Variants in P2RX7 observed in about 807,000 individuals in gnomAD.
P2RX7 encodes the protein purinergic receptor P2X 7.
In P2RX7, 62 loss-of-function variants were observed where a neutral mutation model predicts 71.6. That is an observed-to-expected ratio of 0.87 (90% CI 0.71 to 1.07). The LOEUF is 1.07. Ranked by LOEUF, P2RX7 falls within the 50% of genes least tolerant of loss-of-function variation. P2RX7 has a pLI of 0.00. For synonymous variants in P2RX7, 299 were observed against 283.3 expected (o/e 1.06, Z -0.56); for missense variants, 686 against 748.5 (o/e 0.92, Z 0.97).
chr12:121,174,048 CTT>C (rs141344773), intron 8 of P2RX7, among the ~76,000 whole-genome samples: 1,009 of 73,880 alleles, frequency 0.014, 10 homozygotes, highest in African/African-American at 0.035. Context: ...CTTTTCTTTT[CTT>C]TTTTTTTTTT....
chr12:121,173,196 GT>G (rs1265993295), intron 8 of P2RX7, among the ~76,000 whole-genome samples: 3 of 152,030 alleles, frequency 2.0e-5, no homozygotes, highest in Non-Finnish European at 2.9e-5. Flanking sequence ...TTGTTTGTTT[GT>G]TTGTTTGAGA....
intron 1 of P2RX7, among the ~76,000 whole-genome samples, chr12:121,142,994 T>G (rs985705624): frequency 3.3e-5 from 5 of 150,420 alleles, no homozygotes; most frequent in Non-Finnish European, 5.9e-5. Flanking sequence ...GGCAAAAGAA[T>G]CTCTAGAACC....
Position 121,184,456 on chromosome 12 carries a change from G to T in P2RX7, c.1442G>T (p.Ser481Ile). Residue 481 changes from serine (S) to isoleucine (I), a missense_variant, in exon 13 of 13, where the codon AGC becomes ATC. Transcript: ENST00000328963. ...AGCCCCGTCTGGTGCCAGTGTGGAAGCTGCCTCCCATCTCAACTCCCTGAG... is the reference window on the plus strand; with the variant it reads ...AGCCCCGTCTGGTGCCAGTGTGGAATCTGCCTCCCATCTCAACTCCCTGAG... Reference protein sequence around the residue: ...RDSPVWCQCGSCLPSQLPESH... With the variant: ...RDSPVWCQCGICLPSQLPESH... 6.2e-7 allele frequency: 1 copy of T among 1,614,188 alleles called. No individual in the cohort carries two copies. Among genetic ancestry groups the T allele is most frequent in the African/African-American group, 1.3e-5 (1 of 75,064 alleles).
intron 11 of P2RX7, among the ~76,000 whole-genome samples, chr12:121,179,668 A>G (rs1320495650): frequency 6.6e-6 from 1 of 152,200 alleles, no homozygotes; most frequent in Non-Finnish European, 1.5e-5. Flanking sequence ...TTCATGGCCC[A>G]AGATGAGATG....
At chr12:121,162,257 T>C in intron 4 of P2RX7, 167 bp from the exon 5 acceptor site, 1 of 1,416,070 alleles carries the variant, frequency 7.1e-7, no homozygotes, top group Non-Finnish European at 9.2e-7. Context: ...TTGCCTTGTG[T>C]TCGTTGTGGT....
intron 8 of P2RX7, among the ~76,000 whole-genome samples, chr12:121,168,280 C>CTGTTCT (rs1555227622): frequency 4.9e-5 from 7 of 143,400 alleles, no homozygotes; most frequent in African/African-American, 1.8e-4. Flanking sequence ...CTTTTCTTTT[C>CTGTTCT]TTTTTTTTTT....
intron 5 of P2RX7, among the ~76,000 whole-genome samples, chr12:121,164,687 C>T (rs1012446435): frequency 3.3e-5 from 5 of 152,182 alleles, no homozygotes; most frequent in African/African-American, 1.2e-4. Context: ...GAGGCTGAGG[C>T]AGGAGAGTCG....
At chr12:121,174,962 G>A (rs1882827962) in intron 8 of P2RX7, among the ~76,000 whole-genome samples, 1 of 151,974 alleles carries the variant, frequency 6.6e-6, no homozygotes, top group Admixed American at 6.6e-5. Flanking sequence ...AGAGCCAGGG[G>A]ACAGACCAGG....
chr12:121,154,936 T>A lies in P2RX7; in HGVS notation c.277T>A (p.Tyr93Asn). ...GCACAGTGTCTTTGACACCGCAGAC[T>A]ACACCTTCCCTTTGCAGGTGAGCAC... ...LVHSVFDTADYTFPLQGNSFF... is the reference protein window; with the variant it reads ...LVHSVFDTADNTFPLQGNSFF... Residue 93 changes from tyrosine (Y) to asparagine (N), a missense_variant, in exon 2 of 13, where the codon TAC becomes AAC. Coordinates refer to ENST00000328963, the MANE Select transcript of P2RX7 (RefSeq NM_002562.6). The surrounding 1 kb of genome is among the most constrained non-coding windows in gnomAD (Gnocchi z 4.2). 1 of 1,614,174 alleles carries A rather than the reference T, an allele frequency of 6.2e-7. No homozygotes were observed. Among genetic ancestry groups the A allele is most frequent in the Non-Finnish European group, 8.5e-7 (1 of 1,179,998 alleles).
At chr12:121,174,443 C>A (rs1593129861) in intron 8 of P2RX7, among the ~76,000 whole-genome samples, 1 of 152,104 alleles carries the variant, frequency 6.6e-6, no homozygotes, top group Non-Finnish European at 1.5e-5. Context: ...ATCACTTGGG[C>A]CCAGGAGGTG....
At chr12:121,175,568 G>C (rs1882975348) in intron 9 of P2RX7, 90 bp downstream of exon 9, 2 of 731,256 alleles carry the variant, frequency 2.7e-6, no homozygotes, top group Non-Finnish European at 2.6e-6. Context: ...AAGGGTTTTG[G>C]TCTCAGCCTT....
intron 9 of P2RX7, 62 bp from the exon 10 acceptor site, chr12:121,177,085 G>T: frequency 6.9e-7 from 1 of 1,458,230 alleles, no homozygotes; most frequent in Non-Finnish European, 9.6e-7. Flanking sequence ...ACAATTGCAC[G>T]TTGAAGCAAA....
At chr12:121,140,906 C>T (rs1325835093) in intron 1 of P2RX7, among the ~76,000 whole-genome samples, 5 of 152,154 alleles carry the variant, frequency 3.3e-5, no homozygotes, top group South Asian at 2.1e-4. Flanking sequence ...GTCAACATGG[C>T]GAAATCCCAT....
chr12:121,180,414 C>T lies in P2RX7; in HGVS notation c.1249C>T (p.Leu417=). Residue 417 remains leucine, a synonymous_variant, in exon 12 of 13, where the codon CTA becomes TTA. Coordinates refer to ENST00000328963, the MANE Select transcript of P2RX7 (RefSeq NM_002562.6). ...SHIRMVNQQL[L]GRSLQDVKGQ... is the part of the protein sequence containing the mutation. Reference sequence around the variant, plus strand: ...CATTAGGATGGTGAACCAGCAGCTACTAGGGAGAAGTCTGCAAGATGTCAA... The same window carrying T: ...CATTAGGATGGTGAACCAGCAGCTATTAGGGAGAAGTCTGCAAGATGTCAA... The T allele has an allele frequency of 1.2e-6, 2 of 1,605,626 alleles. No homozygotes were observed. The highest frequency in any genetic ancestry group is 4.5e-5 in the East Asian group (2 of 44,682).
chr12:121,184,822 C>T lies in P2RX7; in HGVS notation c.*20C>T, dbSNP rs183949627. 30 of 1,512,644 alleles carry T rather than the reference C, an allele frequency of 2.0e-5. No homozygotes were observed. The East Asian group carries it at 2.0e-4, about 10-fold the overall frequency. 93.7% of individuals were successfully genotyped at this position (1,512,644 alleles called of 1,614,324 possible). ...TACTGAAGCCAGGCACCGTGGCTCA[C>T]GTCTGTAATCCCAGCGCTTTGGGAG... is the stretch of plus-strand genomic sequence containing the variant. On this transcript the variant is annotated 3_prime_UTR_variant, in exon 13 of 13. Transcript: ENST00000328963.
At chr12:121,156,259 T>G in intron 3 of P2RX7, 112 bp downstream of exon 3, 6 of 806,524 alleles carry the variant, frequency 7.4e-6, no homozygotes, top group Admixed American at 2.1e-5. Context: ...CACAGATATC[T>G]ACTGAGCACC....
At chr12:121,174,158 G>A (rs1203633825) in intron 8 of P2RX7, among the ~76,000 whole-genome samples, 1 of 142,456 alleles carries the variant, frequency 7.0e-6, no homozygotes, top group East Asian at 2.1e-4. Flanking sequence ...AGTGATTCTC[G>A]TGCCTCAGCG....
chr12:121,156,957 C>T (rs1163293946), intron 3 of P2RX7, among the ~76,000 whole-genome samples: 1 of 152,174 alleles, frequency 6.6e-6, no homozygotes, highest in Non-Finnish European at 1.5e-5. Context: ...AGTTCAAGAC[C>T]AGCCTGGGCA....
At chr12:121,172,488 C>G (rs1008773231) in intron 8 of P2RX7, among the ~76,000 whole-genome samples, 3 of 152,084 alleles carry the variant, frequency 2.0e-5, no homozygotes, top group Non-Finnish European at 4.4e-5. Context: ...AAAAATTAGT[C>G]GGGTGTAATG....
Sources: allele counts gnomAD v4.1 joint callset (sites outside exome capture counted in the v4.1 genomes callset), GRCh38; gene constraint gnomAD v4.1.1; non-coding constraint Gnocchi (gnomAD v3.1); transcripts MANE v1.5; gene names NCBI Gene and HGNC (gene_info 2026-07-23, HGNC 2026-07-21).